Variants in STK32B observed in about 807,000 individuals in gnomAD.
The protein encoded by STK32B is serine/threonine kinase 32B, also known as serine/threonine-protein kinase 32B.
Under a neutral mutation model 52.6 loss-of-function variants are expected in STK32B, and 43 were observed. The observed-to-expected ratio is 0.82, with a 90% confidence interval of 0.64 to 1.05. The LOEUF (loss-of-function observed/expected upper bound fraction) is 1.05, where lower values mean the gene tolerates loss of function less well. STK32B is among the 50% of genes least tolerant of loss of function. The probability of loss-of-function intolerance (pLI) is 0.00; values close to 1 mark genes in which losing one functional copy is unlikely to be tolerated. For missense variants in STK32B, 621 were observed against 534.6 expected, an observed-to-expected ratio of 1.16 and a Z score of -1.59; for synonymous variants, 238 against 204.3, an observed-to-expected ratio of 1.17 and a Z score of -1.41.
intron 11 of STK32B, among the ~76,000 whole-genome samples, chr4:5,478,966 GGCTATGGCTC>G (rs1438887388): frequency 6.6e-6 from 1 of 152,192 alleles, no homozygotes; most frequent in Non-Finnish European, 1.5e-5. Context: ...TGGGCACCTA[GGCTATGGCTC>G]CTCCAAGTCA....
chr4:5,174,559 G>A (rs1355464136), intron 3 of STK32B, among the ~76,000 whole-genome samples: 1 of 152,118 alleles, frequency 6.6e-6, no homozygotes, highest in Non-Finnish European at 1.5e-5. Flanking sequence ...CTTCACTTAT[G>A]CAGCATAGTT....
chr4:5,489,942 C>T (rs76810052), intron 11 of STK32B, among the ~76,000 whole-genome samples: 7,194 of 152,126 alleles, frequency 0.047, 555 homozygotes, highest in African/African-American at 0.16. Flanking sequence ...TACATCTAGA[C>T]AGACATATAT....
In STK32B at chr4:5,400,700, AAG is replaced by A. The variant is rs1187895778; in HGVS notation, c.472+2462_472+2463del. On this transcript the variant is annotated intron_variant, in intron 5 of 11. Transcript: ENST00000282908. The surrounding 1 kb of genome is among the most constrained non-coding windows in gnomAD (Gnocchi z 6.1). The stretch of plus-strand genomic sequence containing the variant: ...GTCTCCTTTCTGGGGAGAGAAGAGA[AAG>A]AGAGAATTCTATGCCCATGGCCCTC... 2.0e-5 allele frequency among the ~76,000 whole-genome samples: 3 copies of A among 152,164 alleles called. No individual in the cohort carries two copies. The highest frequency in any genetic ancestry group is 2.9e-5 in the Non-Finnish European group (2 of 68,012).
chr4:5,256,708 T>A (rs1726325318), intron 3 of STK32B, among the ~76,000 whole-genome samples: 1 of 152,200 alleles, frequency 6.6e-6, no homozygotes, highest in Admixed American at 6.5e-5. Context: ...TGACTGAGTA[T>A]CTCTCTGTGT....
intron 1 of STK32B, among the ~76,000 whole-genome samples, chr4:5,128,623 G>T (rs1355740423): frequency 6.6e-6 from 1 of 152,236 alleles, no homozygotes; most frequent in Non-Finnish European, 1.5e-5. Flanking sequence ...ACAAGAGGTG[G>T]TTGCAGCTCA....
intron 3 of STK32B, among the ~76,000 whole-genome samples, chr4:5,299,457 C>T (rs1395131412): frequency 3.3e-5 from 5 of 152,046 alleles, no homozygotes; most frequent in African/African-American, 1.2e-4. Context: ...TATTGTGAGA[C>T]ATGTCAAGTT....
intron 6 of STK32B, 77 bp from the exon 7 acceptor site, chr4:5,446,596 T>A: frequency 8.7e-7 from 1 of 1,144,720 alleles, no homozygotes; most frequent in Non-Finnish European, 1.3e-6. Context: ...TCAATTTCTC[T>A]CCTTGTCCCC....
intron 3 of STK32B, among the ~76,000 whole-genome samples, chr4:5,209,495 A>AT (rs774983785): frequency 2.6e-5 from 4 of 152,184 alleles, no homozygotes; most frequent in Non-Finnish European, 5.9e-5. Context: ...GAGTGCTGGG[A>AT]TTATAGGTGA....
intron 1 of STK32B, among the ~76,000 whole-genome samples, chr4:5,126,727 T>C (rs960100587): frequency 1.3e-5 from 2 of 152,214 alleles, no homozygotes; most frequent in African/African-American, 4.8e-5. Flanking sequence ...ATCAGGTGAA[T>C]AGAAAGTAAC....
chr4:5,038,989 T>C, the STK32B span, among the ~76,000 whole-genome samples: 122 of 148,098 alleles, frequency 8.2e-4, no homozygotes, highest in East Asian at 8.9e-3. Context: ...TTCTTTCTTT[T>C]TTTTTTTTTT....
intron 1 of STK32B, among the ~76,000 whole-genome samples, chr4:5,084,961 G>T (rs984233703): frequency 2.0e-5 from 3 of 152,160 alleles, no homozygotes; most frequent in African/African-American, 7.2e-5. Context: ...CATGATTCAT[G>T]ACAGTAAAAG....
At chr4:5,258,207 T>A (rs1014867180) in intron 3 of STK32B, among the ~76,000 whole-genome samples, 8 of 152,092 alleles carry the variant, frequency 5.3e-5, no homozygotes, top group African/African-American at 1.7e-4. Flanking sequence ...AAAATTATAG[T>A]GATATTGAGA....
intron 3 of STK32B, among the ~76,000 whole-genome samples, chr4:5,171,709 A>G (rs1451628082): frequency 6.9e-6 from 1 of 145,746 alleles, no homozygotes; most frequent in Non-Finnish European, 1.6e-5. Context: ...TGGTTACTGT[A>G]GCCTTGTAGT....
chr4:5,100,678 TTTCTTACTTTCTTTC>T (rs1713708367), intron 1 of STK32B, among the ~76,000 whole-genome samples: 1 of 102,748 alleles, frequency 9.7e-6, no homozygotes, highest in African/African-American at 3.7e-5. Flanking sequence ...CTTTCTTTCC[TTTCTTACTTTCTTTC>T]TTTCCTTCCT....
At chr4:5,200,516 A>G (rs1722055328) in intron 3 of STK32B, among the ~76,000 whole-genome samples, 1 of 152,158 alleles carries the variant, frequency 6.6e-6, no homozygotes, top group Non-Finnish European at 1.5e-5. Context: ...GGTCCAGGAC[A>G]GTAGAGCAGG....
intron 3 of STK32B, among the ~76,000 whole-genome samples, chr4:5,297,826 G>C (rs1729305582): frequency 6.6e-6 from 1 of 152,036 alleles, no homozygotes; most frequent in South Asian, 2.1e-4. Context: ...CTCCCTGGCT[G>C]GCAAGGAGTT....
At chr4:5,184,612 C>G (rs537980969) in intron 3 of STK32B, among the ~76,000 whole-genome samples, 1 of 146,746 alleles carries the variant, frequency 6.8e-6, no homozygotes, top group East Asian at 2.1e-4. Flanking sequence ...TGCTTGAACC[C>G]GGGAGGCAGA....
intron 3 of STK32B, among the ~76,000 whole-genome samples, chr4:5,279,399 A>G (rs909657117): frequency 1.3e-5 from 2 of 151,042 alleles, no homozygotes; most frequent in Non-Finnish European, 2.9e-5. Context: ...CATGATTCAC[A>G]TCCAGGCCAC....
At position 5,323,363 on chromosome 4, in the gene STK32B, G is replaced by T. The variant is rs1731651450; in HGVS notation, c.261-7857G>T. 1.3e-5 allele frequency among the ~76,000 whole-genome samples: 2 copies of T among 152,240 alleles called. 1 individual carries two copies. On this transcript the variant is annotated intron_variant, in intron 3 of 11. Coordinates refer to ENST00000282908, the MANE Select transcript of STK32B (RefSeq NM_018401.3). The stretch of plus-strand genomic sequence containing the variant: ...AGGAGTGTAAGCCCACTATGAGCAG[G>T]TTCTGAAGCAGAAGGGGAGCCCGAG...
Sources: gnomAD v4.1 joint callset for allele counts (sites outside exome capture counted in the v4.1 genomes callset) on GRCh38, gnomAD v4.1.1 for gene constraint, Gnocchi (gnomAD v3.1) non-coding constraint, MANE v1.5 for transcripts, NCBI Gene and HGNC (gene_info 2026-07-23, HGNC 2026-07-21) for gene names.